The following MPZL3 variants were observed in gnomAD, a reference collection of about 807,000 sequenced individuals.
The protein encoded by MPZL3 is myelin protein zero like 3.
In MPZL3, 23 loss-of-function variants were observed where a neutral mutation model predicts 24.8. The ratio of observed to expected loss-of-function variants is 0.93; its 90% CI spans 0.67 to 1.31. The LOEUF (loss-of-function observed/expected upper bound fraction) is 1.31, where lower values mean the gene tolerates loss of function less well. Ranked by LOEUF, MPZL3 falls within the 40% of genes most tolerant of loss-of-function variation. The pLI, the probability that MPZL3 is intolerant of heterozygous loss-of-function variation, is 0.00. For missense variants in MPZL3, 277 were observed against 294.9 expected, an observed-to-expected ratio of 0.94 and a Z score of 0.44; for synonymous variants, 99 against 106.5, an observed-to-expected ratio of 0.93 and a Z score of 0.44.
chr11:118,233,008 C>T (rs1380431070), intron 5 of MPZL3, among the ~76,000 whole-genome samples: 1 of 152,148 alleles, frequency 6.6e-6, no homozygotes, highest in African/African-American at 2.4e-5. Flanking sequence ...TAAATCAAAA[C>T]TTGGGCCTTC....
In MPZL3 at chr11:118,229,718, C is replaced by A. The variant is rs1949324223; in HGVS notation, c.*176G>T. ...AGAGTTCCTGAACAGTTTATAAATA[C>A]AACAAGAACATTTATTCAATAAATA... On this transcript the variant is annotated 3_prime_UTR_variant, in exon 6 of 6. Transcript: ENST00000278949. 1.8e-6 allele frequency: 1 copy of A among 558,088 alleles called. No individual in the cohort carries two copies. The highest frequency in any genetic ancestry group is 3.1e-6 in the Non-Finnish European group (1 of 317,902). The allele number at this position is 558,088 out of a possible 1,614,324, so 34.6% of individuals were successfully genotyped here.
At chr11:118,240,783 A>ACT (rs1555111906) in intron 1 of MPZL3, among the ~76,000 whole-genome samples, 2,197 of 140,176 alleles carry the variant, frequency 0.016, 90 homozygotes, top group Middle Eastern at 0.022. Flanking sequence ...ACACACACAC[A>ACT]CTCTGGGAAT....
intron 1 of MPZL3, among the ~76,000 whole-genome samples, chr11:118,249,174 C>T (rs1038506521): frequency 1.3e-5 from 2 of 152,014 alleles, no homozygotes; most frequent in Non-Finnish European, 2.9e-5. Flanking sequence ...GGTGTTGACT[C>T]CTTTTTGGGG....
intron 5 of MPZL3, among the ~76,000 whole-genome samples, chr11:118,230,197 C>T (rs570723659): frequency 1.3e-5 from 2 of 152,258 alleles, no homozygotes; most frequent in East Asian, 3.9e-4. Flanking sequence ...GCCCGCCTAC[C>T]GCACCCTTTC....
rs887638867 is a variant in MPZL3, at chr11:118,227,691, A to G, written c.*2203T>C. The G allele has an allele frequency of 3.3e-5, 5 of 152,258 alleles. No individual in the cohort carries two copies. Among genetic ancestry groups the G allele is most frequent in the African/African-American group, 1.2e-4 (5 of 41,454 alleles). The allele number at this position is 152,258 out of a possible 1,614,324, so 9.4% of individuals were successfully genotyped here. A position where few individuals can be genotyped will look rare whatever the true frequency, so the allele number is the denominator to read the frequency against. ...ACGACTGAGTATTCACAGAGCACCA[A>G]TTACCTCAAGTTTAGACTAGGTGTC... On this transcript the variant is annotated 3_prime_UTR_variant, in exon 6 of 6. Coordinates refer to ENST00000278949, the MANE Select transcript of MPZL3 (RefSeq NM_198275.3).
rs922424233 is a variant in MPZL3, at chr11:118,227,182, C to A, written c.*2712G>T. The A allele has an allele frequency of 6.6e-6, 1 of 152,182 alleles. No homozygotes were observed. The highest frequency in any genetic ancestry group is 1.9e-4 in the East Asian group (1 of 5,200). 9.4% of individuals were successfully genotyped at this position (152,182 alleles called of 1,614,324 possible). A position where few individuals can be genotyped will look rare whatever the true frequency, so the allele number is the denominator to read the frequency against. On this transcript the variant is annotated 3_prime_UTR_variant, in exon 6 of 6. Transcript: ENST00000278949. ...CCACATTTTGTAATAGAATTAAGAG[C>A]GTAATGCATAAAACTTAAAGTCATG...
At chr11:118,245,619 GGA>G (rs1196053427) in intron 1 of MPZL3, among the ~76,000 whole-genome samples, 1 of 152,138 alleles carries the variant, frequency 6.6e-6, no homozygotes, top group African/African-American at 2.4e-5. Flanking sequence ...TAATGTCAAG[GGA>G]GCAGTTGGTT....
At chr11:118,245,087 A>G (rs1970752) in intron 1 of MPZL3, among the ~76,000 whole-genome samples, 13,669 of 151,816 alleles carry the variant, frequency 0.09, 2,047 homozygotes, top group African/African-American at 0.31. Context: ...AAAAAAGAAG[A>G]AAAAAAAGAT....
In MPZL3 at chr11:118,228,233, A is replaced by G. The variant is rs1949297430; in HGVS notation, c.*1661T>C. The G allele has an allele frequency of 6.6e-6, 1 of 152,170 alleles. No individual in the cohort carries two copies. Among genetic ancestry groups the G allele is most frequent in the South Asian group, 2.1e-4 (1 of 4,832 alleles). 9.4% of individuals were successfully genotyped at this position (152,170 alleles called of 1,614,324 possible). A position where few individuals can be genotyped will look rare whatever the true frequency, so the allele number is the denominator to read the frequency against. ...AAATTTTTTAAATTAAGTCTTCAAA[A>G]AAAAAAGAAAGAAGTTGAGAGAGAG... is the stretch of plus-strand genomic sequence containing the variant. On this transcript the variant is annotated 3_prime_UTR_variant, in exon 6 of 6. Coordinates refer to ENST00000278949, the MANE Select transcript of MPZL3 (RefSeq NM_198275.3).
At position 118,247,477 on chromosome 11, in the gene MPZL3, A is replaced by T. The variant is rs534429248; in HGVS notation, c.73+4745T>A. On this transcript the variant is annotated intron_variant, in intron 1 of 5. Transcript: ENST00000278949. ...CAGGTTAAGTCCCTAATGCTGACAT[A>T]GGAAGAGGTGTATTAATACTTAATT... Among the ~76,000 whole-genome samples, 8 of 152,336 alleles carry T rather than the reference A, an allele frequency of 5.3e-5. No homozygotes were observed. In the East Asian group the frequency reaches 1.2e-3, roughly 22 times the overall value.
rs1591486740 is a variant in MPZL3 at position 118,227,020 on chromosome 11, G to C, written c.*2874C>G. The C allele has an allele frequency of 1.3e-5, 2 of 151,898 alleles. No homozygotes were observed. Among genetic ancestry groups the C allele is most frequent in the African/African-American group, 4.8e-5 (2 of 41,460 alleles). 9.4% of individuals were successfully genotyped at this position (151,898 alleles called of 1,614,324 possible). A position where few individuals can be genotyped will look rare whatever the true frequency, so the allele number is the denominator to read the frequency against. On this transcript the variant is annotated 3_prime_UTR_variant, in exon 6 of 6. Coordinates refer to ENST00000278949, the MANE Select transcript of MPZL3 (RefSeq NM_198275.3). ...ATGTGGCCTCCAGAAGTGTCGTTTT[G>C]TTTTGTTTTGAACAAAGACGTGCTA...
intron 1 of MPZL3, among the ~76,000 whole-genome samples, chr11:118,243,313 G>A (rs1444309381): frequency 1.3e-5 from 2 of 152,006 alleles, no homozygotes; most frequent in African/African-American, 2.4e-5. Flanking sequence ...CTCTTACATC[G>A]TCATGAAACT....
chr11:118,252,077 T>C (rs1306835588), intron 1 of MPZL3, 145 bp downstream of exon 1: 6 of 760,358 alleles, frequency 7.9e-6, no homozygotes, highest in African/African-American at 6.9e-5. Context: ...GGTGATGACA[T>C]CGTCCCAACG....
chr11:118,228,828 A>G lies in MPZL3; in HGVS notation c.*1066T>C, dbSNP rs534985371. The G allele has an allele frequency of 1.3e-5, 2 of 152,302 alleles. No homozygotes were observed. The highest frequency in any genetic ancestry group is 4.8e-5 in the African/African-American group (2 of 41,562). 9.4% of individuals were successfully genotyped at this position (152,302 alleles called of 1,614,324 possible). On this transcript the variant is annotated 3_prime_UTR_variant, in exon 6 of 6. Transcript: ENST00000278949. The stretch of plus-strand genomic sequence containing the variant: ...AAATTCAAGAAGAAAAGTTGTAGTT[A>G]TAAGAAAATAAAATAACAGGCCAAG...
intron 1 of MPZL3, among the ~76,000 whole-genome samples, chr11:118,248,926 T>C (rs1949588100): frequency 6.6e-6 from 1 of 152,238 alleles, no homozygotes; most frequent in South Asian, 2.1e-4. Context: ...TAAAAGTGTT[T>C]AGTTTCCCAG....
intron 5 of MPZL3, among the ~76,000 whole-genome samples, chr11:118,231,951 C>T (rs1949358308): frequency 6.6e-6 from 1 of 152,146 alleles, no homozygotes; most frequent in South Asian, 2.1e-4. Flanking sequence ...CAGAGTAATA[C>T]TTTTTAAACA....
At chr11:118,246,310 A>G (rs1194576420) in intron 1 of MPZL3, among the ~76,000 whole-genome samples, 1 of 152,144 alleles carries the variant, frequency 6.6e-6, no homozygotes, top group Non-Finnish European at 1.5e-5. Flanking sequence ...TCTGCCTCTG[A>G]GTGTTCAAGT....
chr11:118,244,802 C>T (rs769946903), intron 1 of MPZL3, among the ~76,000 whole-genome samples: 13 of 152,154 alleles, frequency 8.5e-5, no homozygotes, highest in Non-Finnish European at 1.6e-4. Context: ...TTAGGCTGGG[C>T]GCGGTGGCTC....
chr11:118,238,147 G>GA (rs1475832327), intron 2 of MPZL3, among the ~76,000 whole-genome samples: 1 of 147,980 alleles, frequency 6.8e-6, no homozygotes, highest in African/African-American at 2.5e-5. Flanking sequence ...AAAAAAAAAA[G>GA]AAAAAAAAGG....
Sources: allele counts gnomAD v4.1 joint callset (sites outside exome capture counted in the v4.1 genomes callset), GRCh38; gene constraint gnomAD v4.1.1; transcripts MANE v1.5; gene names NCBI Gene and HGNC (gene_info 2026-07-23, HGNC 2026-07-21).